Variants in ZNF442 observed in about 807,000 individuals in gnomAD.
The protein encoded by ZNF442 is zinc finger protein 442.
Under a neutral mutation model 57.0 loss-of-function variants are expected in ZNF442, and 45 were observed. That is an observed-to-expected ratio of 0.79 (90% CI 0.62 to 1.01). The LOEUF (loss-of-function observed/expected upper bound fraction) is 1.01. ZNF442 is among the 50% of genes least tolerant of loss of function. The pLI is 0.00. For missense variants in ZNF442, 690 were observed against 756.5 expected, an observed-to-expected ratio of 0.91 and a Z score of 1.03; for synonymous variants, 213 against 241.8, an observed-to-expected ratio of 0.88 and a Z score of 1.10.
chr19:12,349,659 C>T lies in ZNF442; in HGVS notation c.*42G>A, dbSNP rs369005922. ...CTTATCTCCTATGTGATTTCTTTCA[C>T]GTTTCTGAAATGAAATAAAATTAAT... On this transcript the variant is annotated 3_prime_UTR_variant, in exon 6 of 6. Transcript: ENST00000242804. 6.1e-4 allele frequency: 936 copies of T among 1,541,128 alleles called. 1 individual carries two copies. Among genetic ancestry groups the T allele is most frequent in the Non-Finnish European group, 7.5e-4 (858 of 1,144,252 alleles).
chr19:12,350,794 G>T lies in ZNF442; in HGVS notation c.791C>A (p.Pro264Gln). The T allele has an allele frequency of 6.2e-7, 1 of 1,614,030 alleles. No individual in the cohort carries two copies. The highest frequency in any genetic ancestry group is 8.5e-7 in the Non-Finnish European group (1 of 1,180,020). The change falls in exon 6 of 6, where the codon CCA becomes CAA. Residue 264 changes from proline (P) to glutamine (Q), a missense_variant. By Grantham distance (76) the Pro-to-Gln change is moderately conservative (BLOSUM62 -1). Transcript: ENST00000242804. Reference protein sequence around the residue: ...RHERTHTGEKPYECKHCSKAF... With the variant: ...RHERTHTGEKQYECKHCSKAF... ...TTTGGAACAGTGCTTGCATTCATATGGTTTCTCCCCAGTGTGTGTTCTTTC... is the reference window on the plus strand; with the variant it reads ...TTTGGAACAGTGCTTGCATTCATATTGTTTCTCCCCAGTGTGTGTTCTTTC...
upstream of ZNF442, among the ~76,000 whole-genome samples, chr19:12,368,238 G>A (rs1444972171): frequency 1.3e-5 from 2 of 152,102 alleles, no homozygotes; most frequent in Admixed American, 1.3e-4. Context: ...GGGGTCCTGA[G>A]GTGACATACA....
In ZNF442 at chr19:12,347,749, G is replaced by A. The variant is rs1432113903; in HGVS notation, c.*1952C>T. 6.6e-6 allele frequency: 1 copy of A among 152,168 alleles called. No homozygotes were observed. The highest frequency in any genetic ancestry group is 2.4e-5 in the African/African-American group (1 of 41,444). The allele number at this position is 152,168 out of a possible 1,614,324, so 9.4% of individuals were successfully genotyped here. A position where few individuals can be genotyped will look rare whatever the true frequency, so the allele number is the denominator to read the frequency against. ...GGGCCCTTTAAAAAAGCCTCAGGCT[G>A]TAAGAGAAGTTTGCACCTGACCCTG... On this transcript the variant is annotated 3_prime_UTR_variant, in exon 6 of 6. Transcript: ENST00000242804.
chr19:12,351,469 T>C, intron 5 of ZNF442, 151 bp from the exon 6 acceptor site: 1 of 718,262 alleles, frequency 1.4e-6, no homozygotes, highest in Non-Finnish European at 2.2e-6. Context: ...TTGTACAAGA[T>C]AACTCGACCC....
At position 12,347,072 on chromosome 19, in the gene ZNF442, G is replaced by C. The variant is rs1207320529; in HGVS notation, c.*2629C>G. 2 of 152,174 alleles carry C rather than the reference G, an allele frequency of 1.3e-5. No homozygotes were observed. Among genetic ancestry groups the C allele is most frequent in the African/African-American group, 4.8e-5 (2 of 41,430 alleles). 9.4% of individuals were successfully genotyped at this position (152,174 alleles called of 1,614,324 possible). On this transcript the variant is annotated 3_prime_UTR_variant, in exon 6 of 6. Transcript: ENST00000242804. Reference sequence around the variant, plus strand: ...ACTGTAAGAGGCTTCCAGATGAGCAGTTCCAGTGGTTAATGTTGGTAGTTC... The same window carrying C: ...ACTGTAAGAGGCTTCCAGATGAGCACTTCCAGTGGTTAATGTTGGTAGTTC...
At position 12,346,176 on chromosome 19, in the gene ZNF442, A is replaced by G. The variant is rs927953757; in HGVS notation, c.*3525T>C. On this transcript the variant is annotated 3_prime_UTR_variant, in exon 6 of 6. Transcript: ENST00000242804. ...TACAACTCTCTTCCAAGCACTTGGG[A>G]GCTGAAAAAAGAAAGAAATTTTCTA... The G allele has an allele frequency of 1.8e-4, 28 of 152,136 alleles. No homozygotes were observed. The highest frequency in any genetic ancestry group is 3.9e-4 in the Admixed American group (6 of 15,262). 9.4% of individuals were successfully genotyped at this position (152,136 alleles called of 1,614,324 possible).
chr19:12,363,599 A>G lies in ZNF442; in HGVS notation c.33T>C (p.Asp11=). 6.2e-7 allele frequency: 1 copy of G among 1,614,192 alleles called. No homozygotes were observed. The highest frequency in any genetic ancestry group is 8.5e-7 in the Non-Finnish European group (1 of 1,180,030). Residue 11 remains aspartate (D), a synonymous_variant, in exon 3 of 6, where the codon GAT becomes GAC. Transcript: ENST00000242804. MIVFGGEDRS[D]LFLPDSQTNE... ...TAGTCTGAGAGTCAGGAAGGAAGAGATCACTTCTGTCTTCTCCCCCAAATA... is the reference window on the plus strand; with the variant it reads ...TAGTCTGAGAGTCAGGAAGGAAGAGGTCACTTCTGTCTTCTCCCCCAAATA...
rs1456008263 is a variant in ZNF442 at position 12,347,851 on chromosome 19, C to T, written c.*1850G>A. On this transcript the variant is annotated 3_prime_UTR_variant, in exon 6 of 6. Transcript: ENST00000242804. ...GAGCCACCTTCTCATCTCTCCTTTC[C>T]TTAATCTTTCTATCCCAACACAAAT... 1.3e-5 allele frequency: 2 copies of T among 152,174 alleles called. No individual in the cohort carries two copies. The highest frequency in any genetic ancestry group is 2.9e-5 in the Non-Finnish European group (2 of 68,028). The allele number at this position is 152,174 out of a possible 1,614,324, so 9.4% of individuals were successfully genotyped here.
chr19:12,356,810 A>AAC (rs1969338060), intron 3 of ZNF442, among the ~76,000 whole-genome samples: 1 of 152,128 alleles, frequency 6.6e-6, no homozygotes, highest in African/African-American at 2.4e-5. Flanking sequence ...ACAAGGCATA[A>AAC]ACACACACAC....
chr19:12,366,625 ATTTATT>A (rs1267468087), upstream of ZNF442, among the ~76,000 whole-genome samples: 1 of 151,890 alleles, frequency 6.6e-6, no homozygotes, highest in African/African-American at 2.4e-5. Flanking sequence ...CCTTATGCAC[ATTTATT>A]TTTATTTTAT....
rs1969504096 is a variant in ZNF442 at position 12,364,868 on chromosome 19, G to A, written c.-107C>T. On this transcript the variant is annotated 5_prime_UTR_variant, in exon 2 of 6. Transcript: ENST00000242804. The stretch of plus-strand genomic sequence containing the variant: ...CAGGTCACAGAAGACACTGACCGCC[G>A]GCTTCTGCATTGTGCCTGGGGATAA... 6.6e-6 allele frequency: 1 copy of A among 152,182 alleles called. No individual in the cohort carries two copies. Among genetic ancestry groups the A allele is most frequent in the Non-Finnish European group, 1.5e-5 (1 of 68,058 alleles). 9.4% of individuals were successfully genotyped at this position (152,182 alleles called of 1,614,324 possible).
rs1969514245 is a variant in ZNF442 at position 12,365,340 on chromosome 19, G to A, written c.-482-97C>T. 3 of 214,584 alleles carry A rather than the reference G, an allele frequency of 1.4e-5. No individual in the cohort carries two copies. In the South Asian group the frequency reaches 2.6e-4, roughly 19 times the overall value. The allele number at this position is 214,584 out of a possible 1,614,324, so 13.3% of individuals were successfully genotyped here. ...CGCAGAAACGGGACAGGACGCCCGGGGTCCCGGCTGCCGGCCCAGCCCCCA... is the reference window on the plus strand; with the variant it reads ...CGCAGAAACGGGACAGGACGCCCGGAGTCCCGGCTGCCGGCCCAGCCCCCA... On this transcript the variant is annotated intron_variant, in intron 1 of 5. Transcript: ENST00000242804.
At chr19:12,356,231 C>T (rs770260603) in intron 3 of ZNF442, among the ~76,000 whole-genome samples, 1 of 151,860 alleles carries the variant, frequency 6.6e-6, no homozygotes, top group Non-Finnish European at 1.5e-5. Context: ...AAAAAAAAGT[C>T]CATCAAACTG....
rs2145830899 is a variant in ZNF442, at chr19:12,348,089, AAT to A, written c.*1610_*1611del. ...GCAGGGCACGGTGGCTCATGCCTGTAATCTCAGCACTTTGGGAGGCCGAGGCA... is the reference window on the plus strand; with the variant it reads ...GCAGGGCACGGTGGCTCATGCCTGTACTCAGCACTTTGGGAGGCCGAGGCA... On this transcript the variant is annotated 3_prime_UTR_variant, in exon 6 of 6. Coordinates refer to ENST00000242804, the MANE Select transcript of ZNF442 (RefSeq NM_030824.3). 6.6e-6 allele frequency: 1 copy of A among 152,336 alleles called. No homozygotes were observed. The highest frequency in any genetic ancestry group is 2.1e-4 in the South Asian group (1 of 4,824). The allele number at this position is 152,336 out of a possible 1,614,324, so 9.4% of individuals were successfully genotyped here.
In ZNF442 at chr19:12,351,657, C is replaced by T. The variant is rs1437768383; in HGVS notation, c.267-339G>A. On this transcript the variant is annotated intron_variant, in intron 5 of 5. Transcript: ENST00000242804. ...AGTAACTGGGACTACACACATGCGCCACCACGCCCAGCTAATTTTTGTATT... is the reference window on the plus strand; with the variant it reads ...AGTAACTGGGACTACACACATGCGCTACCACGCCCAGCTAATTTTTGTATT... 12 of 309,718 alleles carry T rather than the reference C, an allele frequency of 3.9e-5. No homozygotes were observed. The South Asian group carries it at 4.6e-4, about 12-fold the overall frequency. 19.2% of individuals were successfully genotyped at this position (309,718 alleles called of 1,614,324 possible). A position where few individuals can be genotyped will look rare whatever the true frequency, so the allele number is the denominator to read the frequency against.
chr19:12,359,953 G>C (rs1969395979), intron 3 of ZNF442, among the ~76,000 whole-genome samples: 1 of 151,876 alleles, frequency 6.6e-6, no homozygotes, highest in African/African-American at 2.4e-5. Flanking sequence ...ATTCCAACAT[G>C]GGCAACAGAG....
At position 12,363,537 on chromosome 19, in the gene ZNF442, G is replaced by T; in HGVS notation, c.78+17C>A. 6.2e-7 allele frequency: 1 copy of T among 1,611,558 alleles called. No homozygotes were observed. The highest frequency in any genetic ancestry group is 8.5e-7 in the Non-Finnish European group (1 of 1,177,704). Reference sequence around the variant, plus strand: ...GGTTCTTGCACAACTGGAATGAGTGGGTTCTCCAGTGCTTACATATTGTTT... The same window carrying T: ...GGTTCTTGCACAACTGGAATGAGTGTGTTCTCCAGTGCTTACATATTGTTT... On this transcript the variant is annotated intron_variant, in intron 3 of 5. Transcript: ENST00000242804.
At position 12,349,298 on chromosome 19, in the gene ZNF442, G is replaced by A. The variant is rs1303263101; in HGVS notation, c.*403C>T. The A allele has an allele frequency of 6.0e-6, 1 of 165,602 alleles. No homozygotes were observed. Among genetic ancestry groups the A allele is most frequent in the Admixed American group, 5.8e-5 (1 of 17,354 alleles). 10.3% of individuals were successfully genotyped at this position (165,602 alleles called of 1,614,324 possible). On this transcript the variant is annotated 3_prime_UTR_variant, in exon 6 of 6. Coordinates refer to ENST00000242804, the MANE Select transcript of ZNF442 (RefSeq NM_030824.3). ...GGTTGGGTCTGTTCTCAACAGCACA[G>A]GATTATTTTCATATCACGATTCTCT...
At chr19:12,356,156 G>T (rs1284100982) in intron 3 of ZNF442, among the ~76,000 whole-genome samples, 1 of 152,102 alleles carries the variant, frequency 6.6e-6, no homozygotes, top group Non-Finnish European at 1.5e-5. Flanking sequence ...GGAGTTTGGG[G>T]CTGCAGTGAG....
Sources: allele counts gnomAD v4.1 joint callset (sites outside exome capture counted in the v4.1 genomes callset), GRCh38; gene constraint gnomAD v4.1.1; transcripts MANE v1.5; gene names NCBI Gene and HGNC (gene_info 2026-07-23, HGNC 2026-07-21).